The following STAG1 variants were observed in gnomAD, a reference collection of about 807,000 sequenced individuals.
STAG1 encodes the protein cohesin subunit SA-1.
In STAG1, 26 loss-of-function variants were observed where a neutral mutation model predicts 170.9. The observed-to-expected ratio is 0.15, with a 90% CI of 0.11 to 0.21. STAG1 has a LOEUF of 0.21. STAG1 is among the 10% of genes least tolerant of loss of function. The probability of loss-of-function intolerance (pLI) is 1.00; values close to 1 mark genes in which losing one functional copy is unlikely to be tolerated. For synonymous variants in STAG1, 514 were observed against 497.7 expected, an observed-to-expected ratio of 1.03 and a Z score of -0.44; for missense variants, 964 against 1,509.5, an observed-to-expected ratio of 0.64 and a Z score of 5.99.
At chr3:136,725,579 AT>A (rs1464200743) in intron 1 of STAG1, among the ~76,000 whole-genome samples, 1 of 152,224 alleles carries the variant, frequency 6.6e-6, no homozygotes, top group Non-Finnish European at 1.5e-5. Flanking sequence ...CTTATGGGAT[AT>A]GAGAACAGCC....
chr3:136,376,227 CTT>C (rs1316123846), intron 23 of STAG1, among the ~76,000 whole-genome samples: 1 of 149,260 alleles, frequency 6.7e-6, no homozygotes, highest in Non-Finnish European at 1.5e-5. Context: ...ATACTGTACT[CTT>C]TCACCAAACG....
intron 4 of STAG1, among the ~76,000 whole-genome samples, chr3:136,591,787 C>A (rs1207775646): frequency 2.6e-5 from 4 of 152,164 alleles, no homozygotes; most frequent in Non-Finnish European, 5.9e-5. Context: ...CTGTTCCTCA[C>A]ATAAACTCAT....
chr3:136,530,973 T>C (rs1935338364), intron 6 of STAG1, among the ~76,000 whole-genome samples: 1 of 152,014 alleles, frequency 6.6e-6, no homozygotes, highest in Non-Finnish European at 1.5e-5. Context: ...GGTGTGGTCA[T>C]GGGCGCCTGT....
intron 1 of STAG1, among the ~76,000 whole-genome samples, chr3:136,648,275 T>C (rs932030412): frequency 3.9e-5 from 6 of 152,080 alleles, no homozygotes; most frequent in Non-Finnish European, 7.4e-5. Flanking sequence ...GTTTGGGGAG[T>C]ATTCCCTTCT....
intron 2 of STAG1, among the ~76,000 whole-genome samples, chr3:136,626,224 G>C (rs939660201): frequency 6.6e-6 from 1 of 152,066 alleles, no homozygotes; most frequent in East Asian, 1.9e-4. Context: ...TCAGAAGTTC[G>C]AGACCTACCT....
intron 25 of STAG1, 65 bp from the exon 26 acceptor site, chr3:136,363,532 T>A (rs556264621): frequency 1.5e-5 from 9 of 581,196 alleles, no homozygotes. Context: ...AAAGAATAGG[T>A]TGGTGTCACC....
chr3:136,479,082 T>A (rs1321902125), intron 9 of STAG1, among the ~76,000 whole-genome samples: 1 of 151,080 alleles, frequency 6.6e-6, no homozygotes, highest in Non-Finnish European at 1.5e-5. Context: ...TTTTTAATTT[T>A]TTTTTTTATT....
At chr3:136,575,177 A>G (rs1422006112) in intron 4 of STAG1, among the ~76,000 whole-genome samples, 1 of 152,196 alleles carries the variant, frequency 6.6e-6, no homozygotes, top group Non-Finnish European at 1.5e-5. Context: ...CAGTTTATAT[A>G]AAGAAGGGTT....
intron 1 of STAG1, among the ~76,000 whole-genome samples, chr3:136,633,961 T>TCAAAAA (rs1235452772): frequency 4.6e-5 from 1 of 21,658 alleles, no homozygotes; most frequent in Non-Finnish European, 1.3e-4. Context: ...CTGTCTCTAC[T>TCAAAAA]TAAAAAAAAA....
At chr3:136,424,327 T>A (rs1375612387) in intron 16 of STAG1, among the ~76,000 whole-genome samples, 1 of 142,958 alleles carries the variant, frequency 7.0e-6, no homozygotes, top group Non-Finnish European at 1.5e-5. Flanking sequence ...GATGGAACGA[T>A]CTTTTTTTTT....
rs182535061 is a variant in STAG1 at position 136,719,395 on chromosome 3, G to T, written c.-84+32800C>A. ...AAATGGGCACAGATTTTCTTCTTTG[G>T]GGGGTGATAGAAGTATTCTGAAATT... On this transcript the variant is annotated intron_variant, in intron 1 of 33. Coordinates refer to ENST00000383202, the MANE Select transcript of STAG1 (RefSeq NM_005862.3). Among the ~76,000 whole-genome samples, 216 of 152,036 alleles carry T rather than the reference G, an allele frequency of 1.4e-3. 1 individual carries two copies. Among genetic ancestry groups the T allele is most frequent in the African/African-American group, 4.8e-3 (200 of 41,478 alleles).
chr3:136,644,680 A>G (rs1479690796), intron 1 of STAG1, among the ~76,000 whole-genome samples: 1 of 152,182 alleles, frequency 6.6e-6, no homozygotes, highest in African/African-American at 2.4e-5. Context: ...CTCAATTCCT[A>G]CAAACATGCA....
At chr3:136,711,188 T>C (rs1346709356) in intron 1 of STAG1, among the ~76,000 whole-genome samples, 3 of 152,106 alleles carry the variant, frequency 2.0e-5, no homozygotes, top group East Asian at 1.9e-4. Context: ...CATTCCAAAA[T>C]TGATCTAAGG....
At chr3:136,734,708 G>A (rs549564981) in intron 1 of STAG1, among the ~76,000 whole-genome samples, 13 of 152,206 alleles carry the variant, frequency 8.5e-5, no homozygotes, top group Admixed American at 3.3e-4. Flanking sequence ...CTTTAGGGGT[G>A]TTTTTTGTTT....
chr3:136,676,124 G>A (rs746081183), intron 1 of STAG1, among the ~76,000 whole-genome samples: 50 of 152,140 alleles, frequency 3.3e-4, no homozygotes, highest in Non-Finnish European at 6.9e-4. Flanking sequence ...TAAAAATATG[G>A]TACAGAAGAC....
chr3:136,703,066 C>CAAAAAAA (rs1157305676), intron 1 of STAG1, among the ~76,000 whole-genome samples: 3 of 75,740 alleles, frequency 4.0e-5, no homozygotes, highest in Non-Finnish European at 5.2e-5. Flanking sequence ...GACTCCATCT[C>CAAAAAAA]AAAAAAAAAA....
At chr3:136,548,025 T>C (rs778895589) in intron 5 of STAG1, among the ~76,000 whole-genome samples, 3 of 152,204 alleles carry the variant, frequency 2.0e-5, no homozygotes, top group Non-Finnish European at 2.9e-5. Flanking sequence ...CAAAGGTAAG[T>C]TGTCCATACA....
rs529336977 is a variant in STAG1 at position 136,461,789 on chromosome 3, A to G, written c.1313+3092T>C. Among the ~76,000 whole-genome samples the G allele has an allele frequency of 4.6e-5, 7 of 152,248 alleles. No homozygotes were observed. The East Asian group carries it at 1.2e-3, about 25-fold the overall frequency. On this transcript the variant is annotated intron_variant, in intron 13 of 33. Coordinates refer to ENST00000383202, the MANE Select transcript of STAG1 (RefSeq NM_005862.3). ...GCAGAGTGGGTGAAAATATCGGCCA[A>G]CTATTCATCTGACAAGGGATTAGTA... is the stretch of plus-strand genomic sequence containing the variant.
chr3:136,551,173 T>C (rs1355518470), intron 5 of STAG1, among the ~76,000 whole-genome samples: 1 of 147,354 alleles, frequency 6.8e-6, no homozygotes, highest in Admixed American at 6.8e-5. Context: ...TCCTTTTTTT[T>C]TTTTTTTGAG....
Sources: gnomAD v4.1 joint callset for allele counts (sites outside exome capture counted in the v4.1 genomes callset) on GRCh38, gnomAD v4.1.1 for gene constraint, MANE v1.5 for transcripts, NCBI Gene and HGNC (gene_info 2026-07-23, HGNC 2026-07-21) for gene names.